SLC39A11: variants seen among roughly 807,000 people sequenced by gnomAD.
The protein encoded by SLC39A11 is solute carrier family 39 member 11.
In SLC39A11, 33 loss-of-function variants were observed where a neutral mutation model predicts 36.1. That is an observed-to-expected ratio of 0.91 (90% CI 0.69 to 1.22). SLC39A11 has a LOEUF of 1.22. Among genes scored for constraint, SLC39A11 ranks in the 50% most tolerant of loss-of-function variants. The pLI, the probability that SLC39A11 is intolerant of heterozygous loss-of-function variation, is 0.00. For missense variants in SLC39A11, 432 were observed against 430.3 expected, an observed-to-expected ratio of 1.00 and a Z score of -0.03; for synonymous variants, 166 against 170.3, an observed-to-expected ratio of 0.97 and a Z score of 0.20.
At chr17:72,689,445 T>A (rs962829615) in intron 7 of SLC39A11, among the ~76,000 whole-genome samples, 6 of 146,834 alleles carry the variant, frequency 4.1e-5, no homozygotes, top group African/African-American at 1.5e-4. Context: ...CTCCTGGGTA[T>A]ACACCATACA....
intron 3 of SLC39A11, among the ~76,000 whole-genome samples, chr17:73,065,699 G>A (rs1297514335): frequency 6.6e-6 from 1 of 152,196 alleles, no homozygotes; most frequent in Non-Finnish European, 1.5e-5. Flanking sequence ...CCTCTCAGCA[G>A]ATCCAGAACA....
intron 3 of SLC39A11, chr17:73,067,943 A>G (rs1181835479): frequency 6.2e-7 from 1 of 1,601,550 alleles, no homozygotes; most frequent in East Asian, 2.2e-5. Context: ...GAGAGTTCCA[A>G]CTTCTTGGTC....
chr17:72,807,952 T>C (rs1379533607), intron 6 of SLC39A11, among the ~76,000 whole-genome samples: 2 of 152,122 alleles, frequency 1.3e-5, no homozygotes, highest in Non-Finnish European at 2.9e-5. Flanking sequence ...GCCTGTGGGA[T>C]CTGACACGAT....
chr17:72,776,153 C>T lies in SLC39A11; in HGVS notation c.602-39434G>A, dbSNP rs370136107. Among the ~76,000 whole-genome samples the T allele has an allele frequency of 3.5e-4, 53 of 152,314 alleles. 2 individuals carry two copies. The highest frequency in any genetic ancestry group is 1.2e-3 in the African/African-American group (49 of 41,568). ...GTGCCAGATGGCGGATTGGAGGCGC[C>T]ACCCCAGAAGTCTGCTCTGTGCCCA... On this transcript the variant is annotated intron_variant, in intron 6 of 9. Transcript: ENST00000255559.
chr17:72,996,228 C>G lies in SLC39A11; in HGVS notation c.306+35328G>C, dbSNP rs577461646. 1.0e-3 allele frequency among the ~76,000 whole-genome samples: 157 copies of G among 152,316 alleles called. 2 individuals are homozygous for G. Among genetic ancestry groups the G allele is most frequent in the Non-Finnish European group, 3.2e-4 (22 of 68,028 alleles). Reference sequence around the variant, plus strand: ...GATACAGCCCTGCCTGGTGTCTCGGCCCCGTCTCTTACCGCAGCTGCACCC... The same window carrying G: ...GATACAGCCCTGCCTGGTGTCTCGGGCCCGTCTCTTACCGCAGCTGCACCC... On this transcript the variant is annotated intron_variant, in intron 4 of 9. Coordinates refer to ENST00000255559, the MANE Select transcript of SLC39A11 (RefSeq NM_139177.4).
rs574858567 is a variant in SLC39A11, at chr17:72,811,282, G to A, written c.601+38352C>T. 2.6e-5 allele frequency among the ~76,000 whole-genome samples: 4 copies of A among 152,146 alleles called. No homozygotes were observed. In the South Asian group the frequency reaches 8.3e-4, roughly 32 times the overall value. On this transcript the variant is annotated intron_variant, in intron 6 of 9. Coordinates refer to ENST00000255559, the MANE Select transcript of SLC39A11 (RefSeq NM_139177.4). ...AGAAAGGGTCAGGCAACTCTATGGGGCCTCTCTTTTAAGGGCACTAATCCA... is the reference window on the plus strand; with the variant it reads ...AGAAAGGGTCAGGCAACTCTATGGGACCTCTCTTTTAAGGGCACTAATCCA...
intron 3 of SLC39A11, among the ~76,000 whole-genome samples, chr17:73,059,493 CCT>C (rs1049799513): frequency 1.9e-4 from 29 of 151,978 alleles, no homozygotes; most frequent in South Asian, 1.2e-3. Context: ...ACGGTGAACC[CCT>C]GTCTCCACAA....
intron 5 of SLC39A11, among the ~76,000 whole-genome samples, chr17:72,914,851 G>C (rs1008962202): frequency 8.4e-6 from 1 of 118,582 alleles, no homozygotes. Context: ...CTGGGCGACA[G>C]AGCCAGACTC....
rs564503942 is a variant in SLC39A11 at position 72,871,062 on chromosome 17, T to G, written c.431-21258A>C. On this transcript the variant is annotated intron_variant, in intron 5 of 9. Coordinates refer to ENST00000255559, the MANE Select transcript of SLC39A11 (RefSeq NM_139177.4). ...GTTTGTTTGTTTTGTTTTTGTTTTT[T>G]TTTTTTTTTTGGTTTTTCTGAGACA... is the stretch of plus-strand genomic sequence containing the variant. Among the ~76,000 whole-genome samples, 270 of 151,016 alleles carry G rather than the reference T, an allele frequency of 1.8e-3. 2 individuals are homozygous for G. The highest frequency in any genetic ancestry group is 4.8e-3 in the African/African-American group (199 of 41,076).
chr17:73,074,703 T>G (rs971898169), intron 3 of SLC39A11, among the ~76,000 whole-genome samples: 1 of 152,162 alleles, frequency 6.6e-6, no homozygotes, highest in African/African-American at 2.4e-5. Context: ...AGAGCATCAT[T>G]AACTTCCAAC....
At chr17:72,965,977 T>C (rs2086943392) in intron 4 of SLC39A11, among the ~76,000 whole-genome samples, 3 of 152,184 alleles carry the variant, frequency 2.0e-5, no homozygotes, top group Non-Finnish European at 2.9e-5. Flanking sequence ...TCCCATTCCA[T>C]GGAAGAGAAA....
At chr17:72,684,404 A>G (rs2071646897) in intron 7 of SLC39A11, among the ~76,000 whole-genome samples, 1 of 152,224 alleles carries the variant, frequency 6.6e-6, no homozygotes, top group Admixed American at 6.5e-5. Flanking sequence ...ATGAGCCTAC[A>G]AGCCAGGACA....
chr17:72,656,283 C>T (rs531855896), intron 7 of SLC39A11, among the ~76,000 whole-genome samples: 55 of 152,206 alleles, frequency 3.6e-4, no homozygotes, highest in African/African-American at 1.2e-3. Flanking sequence ...GTCTGGACCA[C>T]GACACATTAA....
chr17:73,067,090 A>G (rs1253487618), intron 3 of SLC39A11, among the ~76,000 whole-genome samples: 1 of 152,256 alleles, frequency 6.6e-6, no homozygotes, highest in Non-Finnish European at 1.5e-5. Flanking sequence ...TAACAGAATG[A>G]AGACTAAAAG....
At chr17:72,966,368 C>A (rs1336564075) in intron 4 of SLC39A11, among the ~76,000 whole-genome samples, 1 of 152,192 alleles carries the variant, frequency 6.6e-6, no homozygotes, top group East Asian at 1.9e-4. Flanking sequence ...TTGAGAATTA[C>A]TACCGCCCCC....
In SLC39A11 at chr17:72,920,735, T is replaced by G. The variant is rs1462432963; in HGVS notation, c.430+27017A>C. ...ACACACTTCCCACCCCCTCTACAAC[T>G]ACACCCCATACACACACGCATACTT... On this transcript the variant is annotated intron_variant, in intron 5 of 9. Coordinates refer to ENST00000255559, the MANE Select transcript of SLC39A11 (RefSeq NM_139177.4). 2.8e-5 allele frequency among the ~76,000 whole-genome samples: 3 copies of G among 107,412 alleles called. No homozygotes were observed. In the East Asian group the frequency reaches 9.8e-4, roughly 35 times the overall value. 70.5% of individuals were successfully genotyped at this position (107,412 alleles called of 152,430 possible).
chr17:72,796,761 C>A (rs1218802300), intron 6 of SLC39A11, among the ~76,000 whole-genome samples: 2 of 152,146 alleles, frequency 1.3e-5, no homozygotes, highest in African/African-American at 4.8e-5. Context: ...CCCACCTCAG[C>A]CTCCTGAGTA....
intron 4 of SLC39A11, among the ~76,000 whole-genome samples, chr17:72,996,186 C>T (rs2089492583): frequency 6.6e-6 from 1 of 152,152 alleles, no homozygotes; most frequent in Admixed American, 6.6e-5. Flanking sequence ...CTTTGTATAA[C>T]ATGTCACGCC....
intron 4 of SLC39A11, among the ~76,000 whole-genome samples, chr17:72,988,688 GTTAC>G (rs1419133997): frequency 6.6e-6 from 1 of 151,846 alleles, no homozygotes. Context: ...TATGAATTGT[GTTAC>G]TTACTTATTT....
Sources: gnomAD v4.1 joint callset for allele counts (sites outside exome capture counted in the v4.1 genomes callset) on GRCh38, gnomAD v4.1.1 for gene constraint, MANE v1.5 for transcripts, NCBI Gene and HGNC (gene_info 2026-07-23, HGNC 2026-07-21) for gene names.